KIAA1328: variants seen among roughly 807,000 people sequenced by gnomAD.
KIAA1328 encodes protein hinderin.
In KIAA1328, 52 loss-of-function variants were observed where a neutral mutation model predicts 68.1. The ratio of observed to expected loss-of-function variants is 0.76; its 90% CI spans 0.61 to 0.96. The LOEUF (loss-of-function observed/expected upper bound fraction) is 0.96. Ranked by LOEUF, KIAA1328 falls within the 40% of genes least tolerant of loss-of-function variation. The probability of loss-of-function intolerance (pLI) is 0.00; values close to 1 mark genes in which losing one functional copy is unlikely to be tolerated. For missense variants in KIAA1328, 641 were observed against 677.6 expected (o/e 0.95, Z 0.60); for synonymous variants, 232 against 239.4 (o/e 0.97, Z 0.28).
intron 5 of KIAA1328, among the ~76,000 whole-genome samples, chr18:36,903,276 T>G (rs1023905505): frequency 1.3e-5 from 2 of 152,128 alleles, no homozygotes; most frequent in African/African-American, 2.4e-5. Flanking sequence ...TTGCCTTGAA[T>G]TTTGTACCAA....
chr18:36,949,763 G>A (rs1412330038), intron 5 of KIAA1328, among the ~76,000 whole-genome samples: 1 of 152,158 alleles, frequency 6.6e-6, no homozygotes, highest in African/African-American at 2.4e-5. Flanking sequence ...AGAAGAGTCT[G>A]AGTGGGTCAC....
intron 9 of KIAA1328, among the ~76,000 whole-genome samples, chr18:37,199,066 T>C (rs768843619): frequency 9.2e-5 from 14 of 152,182 alleles, no homozygotes; most frequent in Non-Finnish European, 1.8e-4. Flanking sequence ...GGGAGAGAGA[T>C]CAAGAAGACA....
chr18:37,215,127 T>C (rs1162680865), intron 9 of KIAA1328, among the ~76,000 whole-genome samples: 18 of 152,340 alleles, frequency 1.2e-4, no homozygotes, highest in African/African-American at 3.6e-4. Flanking sequence ...CTTTTCCTAA[T>C]TGAATACCCT....
At chr18:37,132,592 G>A (rs991608685) in intron 7 of KIAA1328, among the ~76,000 whole-genome samples, 1 of 152,130 alleles carries the variant, frequency 6.6e-6, no homozygotes, top group Non-Finnish European at 1.5e-5. Context: ...TCAGTAAATG[G>A]GGAATATGCA....
chr18:37,031,535 C>T (rs549089638), intron 6 of KIAA1328, among the ~76,000 whole-genome samples: 2 of 152,218 alleles, frequency 1.3e-5, no homozygotes, highest in East Asian at 3.9e-4. Flanking sequence ...AGTCCTTCTA[C>T]TTTTACTCCA....
chr18:37,210,837 G>C (rs1049673332), intron 9 of KIAA1328, among the ~76,000 whole-genome samples: 5 of 152,116 alleles, frequency 3.3e-5, no homozygotes, highest in African/African-American at 9.7e-5. Flanking sequence ...TGGGTATTCT[G>C]TTGCTTCTTA....
intron 7 of KIAA1328, among the ~76,000 whole-genome samples, chr18:37,112,632 G>A (rs1049212776): frequency 2.0e-5 from 3 of 152,174 alleles, no homozygotes; most frequent in Non-Finnish European, 4.4e-5. Context: ...CACCTGCAAC[G>A]GAACAAAGCT....
intron 7 of KIAA1328, among the ~76,000 whole-genome samples, chr18:37,113,861 A>C (rs2058020654): frequency 6.6e-6 from 1 of 152,224 alleles, no homozygotes; most frequent in African/African-American, 2.4e-5. Context: ...TTGCAATCCT[A>C]GTCTCTGATA....
At chr18:37,157,989 G>T (rs2059191949) in intron 7 of KIAA1328, among the ~76,000 whole-genome samples, 1 of 151,342 alleles carries the variant, frequency 6.6e-6, no homozygotes, top group Non-Finnish European at 1.5e-5. Flanking sequence ...TCATGCTGTT[G>T]TTCATGTAAT....
chr18:36,833,387 AG>A (rs2046564133), intron 1 of KIAA1328: 1 of 152,216 alleles, frequency 6.6e-6, no homozygotes, highest in African/African-American at 2.4e-5. Flanking sequence ...AGAAGCTATA[AG>A]GTAGGAGCTT....
chr18:37,087,275 G>C (rs554765201), intron 7 of KIAA1328, among the ~76,000 whole-genome samples: 1 of 151,972 alleles, frequency 6.6e-6, no homozygotes, highest in East Asian at 1.9e-4. Context: ...ACCCAGGCTT[G>C]TCTCAAACTC....
intron 5 of KIAA1328, among the ~76,000 whole-genome samples, chr18:36,942,580 A>C (rs973636705): frequency 6.6e-6 from 1 of 152,226 alleles, no homozygotes; most frequent in Non-Finnish European, 1.5e-5. Context: ...AGAAAAAGAC[A>C]GCTAAATTGT....
chr18:37,074,210 T>C (rs1689085284), intron 7 of KIAA1328, among the ~76,000 whole-genome samples: 1 of 152,204 alleles, frequency 6.6e-6, no homozygotes, highest in African/African-American at 2.4e-5. Context: ...TGTTTTTTCC[T>C]CTATGACTTT....
rs116892773 is a variant in KIAA1328 at position 36,932,609 on chromosome 18, G to T, written c.449-26699G>T. On this transcript the variant is annotated intron_variant, in intron 5 of 9. Transcript: ENST00000280020. ...GAAATTGAACAGTAAATGTGGGAAG[G>T]TAGCTCCATAGCATATGCAGAGCTA... 6.9e-3 allele frequency among the ~76,000 whole-genome samples: 1,053 copies of T among 152,282 alleles called. 7 individuals are homozygous for T. Among genetic ancestry groups the T allele is most frequent in the Middle Eastern group, 0.017 (5 of 294 alleles).
chr18:36,912,933 G>A (rs1027407727), intron 5 of KIAA1328, among the ~76,000 whole-genome samples: 2 of 152,138 alleles, frequency 1.3e-5, no homozygotes, highest in African/African-American at 4.8e-5. Context: ...GGAGAAAATA[G>A]AAGGAGAAAT....
intron 6 of KIAA1328, among the ~76,000 whole-genome samples, chr18:36,988,043 C>T (rs149890752): frequency 6.6e-6 from 1 of 152,102 alleles, no homozygotes; most frequent in Non-Finnish European, 1.5e-5. Context: ...TTGTATATTC[C>T]TGACAAAGTG....
At chr18:37,098,388 G>A (rs1334897372) in intron 7 of KIAA1328, among the ~76,000 whole-genome samples, 2 of 152,152 alleles carry the variant, frequency 1.3e-5, no homozygotes, top group Non-Finnish European at 2.9e-5. Flanking sequence ...ATTGATTTGT[G>A]TATGTTGAAC....
chr18:37,123,088 C>G (rs747277624), intron 7 of KIAA1328, among the ~76,000 whole-genome samples: 27 of 152,108 alleles, frequency 1.8e-4, no homozygotes, highest in Non-Finnish European at 3.7e-4. Flanking sequence ...ACCTTGCTAA[C>G]CCTTGGTTTC....
chr18:37,167,589 T>G (rs1322377409), intron 8 of KIAA1328, among the ~76,000 whole-genome samples: 1 of 152,094 alleles, frequency 6.6e-6, no homozygotes, highest in African/African-American at 2.4e-5. Context: ...TGCCAGTGTC[T>G]GCTGGTGCCT....
Sources: allele counts gnomAD v4.1 joint callset (sites outside exome capture counted in the v4.1 genomes callset), GRCh38; gene constraint gnomAD v4.1.1; transcripts MANE v1.5; gene names NCBI Gene and HGNC (gene_info 2026-07-23, HGNC 2026-07-21).